ZC3HAV1L: variants seen among roughly 807,000 people sequenced by gnomAD.
The protein encoded by ZC3HAV1L is ZC3HAV1 like.
Under a neutral mutation model 28.2 loss-of-function variants are expected in ZC3HAV1L, and 23 were observed. The observed-to-expected ratio is 0.82, with a 90% CI of 0.59 to 1.16. ZC3HAV1L has a LOEUF of 1.16. ZC3HAV1L is among the 50% of genes most tolerant of loss of function. The probability of loss-of-function intolerance (pLI) is 0.00; values close to 1 mark genes in which losing one functional copy is unlikely to be tolerated. For missense variants in ZC3HAV1L, 376 were observed against 387.7 expected, an observed-to-expected ratio of 0.97 and a Z score of 0.25; for synonymous variants, 180 against 163.4, an observed-to-expected ratio of 1.10 and a Z score of -0.78.
At chr7:139,030,280 A>G (rs1403638520) in intron 2 of ZC3HAV1L, among the ~76,000 whole-genome samples, 1 of 151,992 alleles carries the variant, frequency 6.6e-6, no homozygotes, top group Non-Finnish European at 1.5e-5. Flanking sequence ...CCCTGACTCT[A>G]TTAAAAATAC....
Position 139,026,759 on chromosome 7 carries a change from C to G in ZC3HAV1L, c.835G>C (p.Ala279Pro), listed in dbSNP as rs754510162. The change falls in exon 4 of 5, where the codon GCT (alanine) becomes CCT (proline). Residue 279 changes from alanine to proline, a missense_variant. Physicochemically the swap from Ala to Pro is conservative, Grantham distance 27. Coordinates refer to ENST00000275766, the MANE Select transcript of ZC3HAV1L (RefSeq NM_080660.4). ...QGVHAAGAAE[A>P]GPLASVPAQS... ...GCAGGGACAGAAGCCAGAGGACCAG[C>G]TTCTGCAGCTCCAGCTGCGTGCACT... 6.2e-7 allele frequency: 1 copy of G among 1,614,060 alleles called. No individual in the cohort carries two copies. Among genetic ancestry groups the G allele is most frequent in the East Asian group, 2.2e-5 (1 of 44,892 alleles).
intron 2 of ZC3HAV1L, among the ~76,000 whole-genome samples, chr7:139,032,069 G>C (rs1182109542): frequency 3.9e-5 from 6 of 152,138 alleles, no homozygotes; most frequent in Non-Finnish European, 5.9e-5. Context: ...CTGCACTCCA[G>C]CCTGGGTGAC....
rs1165732093 is a variant in ZC3HAV1L at position 139,036,031 on chromosome 7, G to A, written c.-14C>T. On this transcript the variant is annotated 5_prime_UTR_variant, in exon 1 of 5. Coordinates refer to ENST00000275766, the MANE Select transcript of ZC3HAV1L (RefSeq NM_080660.4). The stretch of plus-strand genomic sequence containing the variant: ...GGGCTCCGCCATGGTCGCTGGCGCG[G>A]GCCCTGTGCGCGCGGCGCAGCGAGC... 1.3e-6 allele frequency: 2 copies of A among 1,485,074 alleles called. No homozygotes were observed. Among genetic ancestry groups the A allele is most frequent in the Non-Finnish European group, 8.9e-7 (1 of 1,126,926 alleles). The allele number at this position is 1,485,074 out of a possible 1,614,324, so 92.0% of individuals were successfully genotyped here. A position where few individuals can be genotyped will look rare whatever the true frequency, so the allele number is the denominator to read the frequency against.
chr7:139,032,091 A>G (rs116565196), intron 2 of ZC3HAV1L, among the ~76,000 whole-genome samples: 2,985 of 151,538 alleles, frequency 0.02, 80 homozygotes, highest in African/African-American at 0.069. Context: ...CAGCGAGACC[A>G]TGTCTCTAAA....
chr7:139,035,568 C>T (rs2130641048), intron 1 of ZC3HAV1L, 85 bp downstream of exon 1: 1 of 1,341,356 alleles, frequency 7.5e-7, no homozygotes. Flanking sequence ...AGGACGAAGC[C>T]CCCCTTCCCG....
chr7:139,035,132 A>G, intron 1 of ZC3HAV1L: 1 of 985,464 alleles, frequency 1.0e-6, no homozygotes, highest in Non-Finnish European at 1.2e-6. Flanking sequence ...TCTGGCAGTC[A>G]GGAACCACAG....
chr7:139,034,177 C>T lies in ZC3HAV1L; in HGVS notation c.501+366G>A, dbSNP rs556522887. ...GTTAAAATCAGGCCACAATTATGAA[C>T]TATCCTCTGTTTTCTCAACATCTCC... is the stretch of plus-strand genomic sequence containing the variant. On this transcript the variant is annotated intron_variant, in intron 2 of 4. Coordinates refer to ENST00000275766, the MANE Select transcript of ZC3HAV1L (RefSeq NM_080660.4). The T allele has an allele frequency of 2.9e-5, 29 of 985,370 alleles. No individual in the cohort carries two copies. In the African/African-American group the frequency reaches 5.1e-4, roughly 17 times the overall value. 61.0% of individuals were successfully genotyped at this position (985,370 alleles called of 1,614,324 possible).
rs1242457124 is a variant in ZC3HAV1L, at chr7:139,025,930, C to T, written c.*614G>A. The T allele has an allele frequency of 6.6e-6, 1 of 151,790 alleles. No individual in the cohort carries two copies. Among genetic ancestry groups the T allele is most frequent in the Non-Finnish European group, 1.5e-5 (1 of 68,066 alleles). 9.4% of individuals were successfully genotyped at this position (151,790 alleles called of 1,614,324 possible). A position where few individuals can be genotyped will look rare whatever the true frequency, so the allele number is the denominator to read the frequency against. On this transcript the variant is annotated 3_prime_UTR_variant, in exon 5 of 5. Transcript: ENST00000275766. Reference sequence around the variant, plus strand: ...GGCAGATCGCTTGAGCCCAGGAGTTCAAGACTAGCCTGGGCAACATGGCAA... The same window carrying T: ...GGCAGATCGCTTGAGCCCAGGAGTTTAAGACTAGCCTGGGCAACATGGCAA...
At chr7:139,035,393 C>CG (rs1321094861) in intron 1 of ZC3HAV1L, 6 of 397,150 alleles carry the variant, frequency 1.5e-5, no homozygotes, top group East Asian at 3.8e-4. Context: ...GCGCAGGATC[C>CG]GGGGGGGCGG....
At chr7:139,027,245 G>A (rs1438723342) in intron 3 of ZC3HAV1L, among the ~76,000 whole-genome samples, 1 of 152,276 alleles carries the variant, frequency 6.6e-6, no homozygotes, top group African/African-American at 2.4e-5. Flanking sequence ...CTCCGCCTTT[G>A]GTGATTTACC....
Position 139,028,753 on chromosome 7 carries a change from T to C in ZC3HAV1L, c.709A>G (p.Ile237Val). The C allele has an allele frequency of 6.2e-7, 1 of 1,614,212 alleles. No homozygotes were observed. Among genetic ancestry groups the C allele is most frequent in the Non-Finnish European group, 8.5e-7 (1 of 1,180,036 alleles). Reference protein sequence around the residue: ...LNIPSVVNFQIISTYKHMKLH... With the variant: ...LNIPSVVNFQVISTYKHMKLH... ...TTCATATGCTTGTAGGTGGAGATTA[T>C]CTGAAAATTAACAACACTTGGAATA... is the stretch of plus-strand genomic sequence containing the variant. The change falls in exon 3 of 5, where the codon ATA (isoleucine) becomes GTA (valine). Residue 237 changes from isoleucine (I) to valine (V), a missense_variant. Ile to Val is a conservative substitution (Grantham distance 29). Coordinates refer to ENST00000275766, the MANE Select transcript of ZC3HAV1L (RefSeq NM_080660.4).
At chr7:139,028,570 AC>A in intron 3 of ZC3HAV1L, 131 bp downstream of exon 3, 1 of 1,240,600 alleles carries the variant, frequency 8.1e-7, no homozygotes, top group Non-Finnish European at 1.1e-6. Flanking sequence ...TTTCCCAAGA[AC>A]AAAGATGAAA....
In ZC3HAV1L at chr7:139,035,834, C is replaced by A; in HGVS notation, c.184G>T (p.Asp62Tyr). Residue 62 changes from aspartate (D) to tyrosine (Y), a missense_variant, in exon 1 of 5, where the codon GAC becomes TAC. Transcript: ENST00000275766. ...CCGGCCGCCGCCTCGGCCTCCGCGT[C>A]CCCGAGGCCCTCCTGCGTCTCCACC... ...QEVETQEGLG[D>Y]AEAEAAAGAV... is the part of the protein sequence containing the mutation. 1 of 1,488,420 alleles carries A rather than the reference C, an allele frequency of 6.7e-7. No homozygotes were observed. Among genetic ancestry groups the A allele is most frequent in the African/African-American group, 1.5e-5 (1 of 68,500 alleles). 92.2% of individuals were successfully genotyped at this position (1,488,420 alleles called of 1,614,324 possible). A position where few individuals can be genotyped will look rare whatever the true frequency, so the allele number is the denominator to read the frequency against.
intron 1 of ZC3HAV1L, chr7:139,035,276 A>G (rs1183370833): frequency 2.6e-5 from 26 of 985,248 alleles, no homozygotes; most frequent in Non-Finnish European, 3.1e-5. Flanking sequence ...TAAAGGGTCC[A>G]GGGATCTCAT....
downstream of ZC3HAV1L, among the ~76,000 whole-genome samples, chr7:139,021,614 T>C (rs946239625): frequency 6.6e-6 from 1 of 152,088 alleles, no homozygotes; most frequent in African/African-American, 2.4e-5. Flanking sequence ...AATTTAAGGA[T>C]GTTTTAATAT....
chr7:139,028,021 A>C (rs1236619452), intron 3 of ZC3HAV1L, among the ~76,000 whole-genome samples: 1 of 152,160 alleles, frequency 6.6e-6, no homozygotes, highest in African/African-American at 2.4e-5. Flanking sequence ...TCCCTACATT[A>C]ATCTTACTTT....
chr7:139,026,385 C>G lies in ZC3HAV1L; in HGVS notation c.*159G>C. ...CCAGCCTGAGGAAAGCACCTAGGAG[C>G]TGCAGATAGCAGCTGCCATCTTCAG... is the stretch of plus-strand genomic sequence containing the variant. On this transcript the variant is annotated 3_prime_UTR_variant, in exon 5 of 5. Transcript: ENST00000275766. 1 of 1,148,888 alleles carries G rather than the reference C, an allele frequency of 8.7e-7. No individual in the cohort carries two copies. Among genetic ancestry groups the G allele is most frequent in the Non-Finnish European group, 1.2e-6 (1 of 835,628 alleles). 71.2% of individuals were successfully genotyped at this position (1,148,888 alleles called of 1,614,324 possible).
chr7:139,022,090 G>A (rs911529963), downstream of ZC3HAV1L, among the ~76,000 whole-genome samples: 8 of 151,992 alleles, frequency 5.3e-5, no homozygotes, highest in African/African-American at 1.9e-4. Context: ...CAAGAAACAT[G>A]ACAATAATGG....
At chr7:139,030,209 G>A (rs893669484) in intron 2 of ZC3HAV1L, among the ~76,000 whole-genome samples, 2 of 152,274 alleles carry the variant, frequency 1.3e-5, no homozygotes, top group South Asian at 2.1e-4. Context: ...ACTTTGGGAG[G>A]CCAAGGCAGA....
Sources: gnomAD v4.1 joint callset for allele counts (sites outside exome capture counted in the v4.1 genomes callset) on GRCh38, gnomAD v4.1.1 for gene constraint, MANE v1.5 for transcripts, NCBI Gene and HGNC (gene_info 2026-07-23, HGNC 2026-07-21) for gene names.